MACROD2: variants seen among roughly 807,000 people sequenced by gnomAD.
The protein encoded by MACROD2 is ADP-ribose glycohydrolase MACROD2.
MACROD2 carries 36 observed loss-of-function variants against 70.4 expected under a neutral mutation model. The observed-to-expected ratio is 0.51, with a 90% CI of 0.39 to 0.68. The LOEUF (loss-of-function observed/expected upper bound fraction) is 0.68. MACROD2 is among the 30% of genes least tolerant of loss of function. The pLI is 0.00. For synonymous variants in MACROD2, 172 were observed against 178.8 expected, an observed-to-expected ratio of 0.96 and a Z score of 0.30; for missense variants, 496 against 538.4, an observed-to-expected ratio of 0.92 and a Z score of 0.78.
chr20:14,704,828 A>C (rs921416971), intron 5 of MACROD2, among the ~76,000 whole-genome samples: 4 of 151,918 alleles, frequency 2.6e-5, no homozygotes, highest in African/African-American at 9.7e-5. Context: ...TTTAAATTTT[A>C]TTTCTCACAG....
At chr20:15,138,876 T>G (rs1254049881) in intron 5 of MACROD2, among the ~76,000 whole-genome samples, 1 of 152,202 alleles carries the variant, frequency 6.6e-6, no homozygotes, top group Non-Finnish European at 1.5e-5. Flanking sequence ...AATATTTTCA[T>G]TTGTTTGTTT....
chr20:15,983,153 A>T (rs530711268), intron 13 of MACROD2, among the ~76,000 whole-genome samples: 1 of 152,342 alleles, frequency 6.6e-6, no homozygotes, highest in Admixed American at 6.5e-5. Context: ...ATTGACTGTC[A>T]TCTACTAAAA....
At chr20:14,834,767 A>G (rs1183727793) in intron 5 of MACROD2, among the ~76,000 whole-genome samples, 1 of 151,992 alleles carries the variant, frequency 6.6e-6, no homozygotes, top group South Asian at 2.1e-4. Context: ...TATCAGGGTA[A>G]TAGAAATTAG....
intron 5 of MACROD2, among the ~76,000 whole-genome samples, chr20:14,698,812 A>C (rs996091386): frequency 6.7e-6 from 1 of 149,518 alleles, no homozygotes; most frequent in Non-Finnish European, 1.5e-5. Flanking sequence ...TAATAAATTT[A>C]GTATAATTTA....
intron 10 of MACROD2, among the ~76,000 whole-genome samples, chr20:15,931,811 A>T (rs2065583072): frequency 6.6e-6 from 1 of 151,858 alleles, no homozygotes; most frequent in Non-Finnish European, 1.5e-5. Context: ...TTTTTTCCCC[A>T]TTTAGGTCAA....
chr20:14,370,173 A>T (rs117726860), intron 3 of MACROD2, among the ~76,000 whole-genome samples: 2 of 152,314 alleles, frequency 1.3e-5, no homozygotes, highest in East Asian at 3.9e-4. Context: ...TTACAAACAG[A>T]GGAGGTAAGA....
At chr20:14,257,138 C>A (rs549876552) in intron 3 of MACROD2, among the ~76,000 whole-genome samples, 2 of 152,286 alleles carry the variant, frequency 1.3e-5, no homozygotes, top group South Asian at 2.1e-4. Flanking sequence ...CTTTACCCTG[C>A]ACCAATAAGG....
At chr20:14,612,315 C>T (rs945852868) in intron 4 of MACROD2, among the ~76,000 whole-genome samples, 1 of 152,094 alleles carries the variant, frequency 6.6e-6, no homozygotes, top group Non-Finnish European at 1.5e-5. Context: ...TTTTGAAACT[C>T]TTTAAGCTTG....
rs148255741 is a variant in MACROD2 at position 15,281,675 on chromosome 20, G to A, written c.540+51614G>A. Among the ~76,000 whole-genome samples the A allele has an allele frequency of 2.0e-4, 31 of 152,310 alleles. No homozygotes were observed. The East Asian group carries it at 3.7e-3, about 18-fold the overall frequency. On this transcript the variant is annotated intron_variant, in intron 6 of 17. Coordinates refer to ENST00000684519, the MANE Select transcript of MACROD2 (RefSeq NM_001351661.2). ...GCCCTATGCCTTTGCAGGGTACAGC[G>A]TCCCACCCAGCTGCTTTCATGGGCT...
intron 6 of MACROD2, among the ~76,000 whole-genome samples, chr20:15,365,803 T>A (rs1222616787): frequency 6.6e-6 from 1 of 152,234 alleles, no homozygotes; most frequent in Non-Finnish European, 1.5e-5. Context: ...ATTGATTACA[T>A]AATTAAAAAT....
chr20:15,350,246 A>G (rs1435141340), intron 6 of MACROD2, among the ~76,000 whole-genome samples: 1 of 150,690 alleles, frequency 6.6e-6, no homozygotes, highest in Non-Finnish European at 1.5e-5. Flanking sequence ...TGCAGTGATC[A>G]TAATGATAAT....
At chr20:16,035,897 G>T (rs1026404215) in intron 15 of MACROD2, among the ~76,000 whole-genome samples, 2 of 151,968 alleles carry the variant, frequency 1.3e-5, no homozygotes, top group African/African-American at 2.4e-5. Context: ...TGCATTTCAA[G>T]TCTCTCCTTG....
At chr20:14,030,669 C>G (rs1035421790) in intron 2 of MACROD2, among the ~76,000 whole-genome samples, 2 of 152,128 alleles carry the variant, frequency 1.3e-5, no homozygotes, top group South Asian at 2.1e-4. Flanking sequence ...CTTGGCCTCC[C>G]AAAGTGCTGG....
At chr20:14,496,903 C>T (rs1045592832) in intron 4 of MACROD2, among the ~76,000 whole-genome samples, 2 of 151,610 alleles carry the variant, frequency 1.3e-5, no homozygotes, top group Admixed American at 6.6e-5. Context: ...ACCAACAGTA[C>T]CCTGTATATT....
At chr20:14,985,739 G>T (rs1006853924) in intron 5 of MACROD2, among the ~76,000 whole-genome samples, 9 of 143,504 alleles carry the variant, frequency 6.3e-5, no homozygotes, top group Non-Finnish European at 9.0e-5. Flanking sequence ...TCTTAGCTAA[G>T]AAATGCCAAT....
chr20:15,182,745 A>G (rs1378684207), intron 5 of MACROD2, among the ~76,000 whole-genome samples: 2 of 152,172 alleles, frequency 1.3e-5, no homozygotes, highest in Admixed American at 6.5e-5. Flanking sequence ...TACAAAATTC[A>G]TTCATTCACA....
chr20:15,290,815 A>G (rs1234484306), intron 6 of MACROD2, among the ~76,000 whole-genome samples: 4 of 152,188 alleles, frequency 2.6e-5, no homozygotes, highest in Admixed American at 6.5e-5. Context: ...TCATTTTGCA[A>G]TGCACCCATC....
chr20:14,467,035 G>A lies in MACROD2; in HGVS notation c.272-26444G>A, dbSNP rs369296511. On this transcript the variant is annotated intron_variant, in intron 3 of 17. Transcript: ENST00000684519. ...ATTCTCAGATCTCAAACTGAGTGCT[G>A]GGAGAACCACTACTCTCTTTAAAGC... is the stretch of plus-strand genomic sequence containing the variant. Among the ~76,000 whole-genome samples the A allele has an allele frequency of 2.4e-4, 37 of 152,266 alleles. 1 individual carries two copies. The East Asian group carries it at 2.7e-3, about 11-fold the overall frequency.
In MACROD2 at chr20:15,499,925, A is replaced by G. The variant is rs191137376; in HGVS notation, c.645+78A>G. On this transcript the variant is annotated intron_variant, in intron 8 of 17. Transcript: ENST00000684519. Reference sequence around the variant, plus strand: ...CAGTTCCCCCCAAAAAAGCACATAAATTTTATAAATATCAACTACACCTAG... The same window carrying G: ...CAGTTCCCCCCAAAAAAGCACATAAGTTTTATAAATATCAACTACACCTAG... 2,059 of 1,377,496 alleles carry G rather than the reference A, an allele frequency of 1.5e-3. 4 individuals are homozygous for G. The highest frequency in any genetic ancestry group is 1.9e-3 in the Non-Finnish European group (1,859 of 971,758). The allele number at this position is 1,377,496 out of a possible 1,614,324, so 85.3% of individuals were successfully genotyped here.
Sources: gnomAD v4.1 joint callset for allele counts (sites outside exome capture counted in the v4.1 genomes callset) on GRCh38, gnomAD v4.1.1 for gene constraint, MANE v1.5 for transcripts, NCBI Gene and HGNC (gene_info 2026-07-23, HGNC 2026-07-21) for gene names.